Variants in ADGRL2 observed in about 807,000 individuals in gnomAD.
ADGRL2 encodes the protein calcium-independent alpha-latrotoxin receptor 2.
Under a neutral mutation model 157.4 loss-of-function variants are expected in ADGRL2, and 44 were observed. The observed-to-expected ratio is 0.28, with a 90% CI of 0.22 to 0.36. The LOEUF (loss-of-function observed/expected upper bound fraction) is 0.36, where lower values mean the gene tolerates loss of function less well. Ranked by LOEUF, ADGRL2 falls within the 10% of genes least tolerant of loss-of-function variation. The pLI is 1.00. For missense variants in ADGRL2, 1,510 were observed against 1,768.9 expected, an observed-to-expected ratio of 0.85 and a Z score of 2.63; for synonymous variants, 585 against 624.7, an observed-to-expected ratio of 0.94 and a Z score of 0.95.
intron 1 of ADGRL2, among the ~76,000 whole-genome samples, chr1:81,735,763 C>G (rs573222228): frequency 6.6e-6 from 1 of 151,562 alleles, no homozygotes; most frequent in African/African-American, 2.4e-5. Context: ...GTACCCCAGC[C>G]TGGGTGACAG....
At chr1:81,938,069 TTTTTATG>T (rs2095335742) in intron 4 of ADGRL2, among the ~76,000 whole-genome samples, 2 of 151,730 alleles carry the variant, frequency 1.3e-5, no homozygotes, top group South Asian at 4.1e-4. Context: ...AAATGGATGC[TTTTTATG>T]TTTTCAGTAT....
intron 3 of ADGRL2, among the ~76,000 whole-genome samples, chr1:81,619,295 G>A (rs2081736888): frequency 6.7e-6 from 1 of 149,402 alleles, no homozygotes; most frequent in African/African-American, 2.5e-5. Context: ...TTTTTAAGGT[G>A]TCTGCCTTCA....
chr1:81,417,829 G>A (rs79278720), intron 1 of ADGRL2, among the ~76,000 whole-genome samples: 9,147 of 152,166 alleles, frequency 0.06, 388 homozygotes, highest in East Asian at 0.21. Context: ...TAAAAAATAT[G>A]TCAGTAGTGC....
chr1:81,723,772 A>G (rs1197609941), intron 1 of ADGRL2, among the ~76,000 whole-genome samples: 1 of 152,196 alleles, frequency 6.6e-6, no homozygotes, highest in Admixed American at 6.5e-5. Flanking sequence ...TGTGTTTTAT[A>G]TAACATGCAT....
chr1:81,371,419 G>A (rs903837055), intron 1 of ADGRL2, among the ~76,000 whole-genome samples: 1 of 152,174 alleles, frequency 6.6e-6, no homozygotes, highest in Admixed American at 6.5e-5. Context: ...AGATGAGTTT[G>A]TAGAATGACA....
At chr1:81,532,139 C>T (rs1289323324) in intron 2 of ADGRL2, among the ~76,000 whole-genome samples, 1 of 152,130 alleles carries the variant, frequency 6.6e-6, no homozygotes, top group African/African-American at 2.4e-5. Flanking sequence ...TGAATAACTA[C>T]CCTTCAGCGT....
chr1:81,645,697 A>G (rs1447369902), intron 3 of ADGRL2, among the ~76,000 whole-genome samples: 2 of 152,138 alleles, frequency 1.3e-5, no homozygotes, highest in Non-Finnish European at 2.9e-5. Flanking sequence ...CTTATTCTCT[A>G]CAATTGCTAC....
intron 1 of ADGRL2, among the ~76,000 whole-genome samples, chr1:81,335,788 T>C (rs757642259): frequency 3.3e-5 from 5 of 151,312 alleles, no homozygotes; most frequent in Non-Finnish European, 7.4e-5. Flanking sequence ...TAAATCCTAC[T>C]GATAGCCAGA....
intron 3 of ADGRL2, among the ~76,000 whole-genome samples, chr1:81,646,322 T>TTTC: frequency 6.6e-6 from 1 of 152,318 alleles, no homozygotes; most frequent in South Asian, 2.1e-4. Context: ...AGAAAAATTA[T>TTTC]TTCTTGGACT....
intron 2 of ADGRL2, among the ~76,000 whole-genome samples, chr1:81,477,714 A>G (rs1204675868): frequency 6.6e-6 from 1 of 152,228 alleles, no homozygotes; most frequent in African/African-American, 2.4e-5. Flanking sequence ...TAGAGAATCA[A>G]TATATTTTTG....
At chr1:81,822,091 T>C (rs114340480) in intron 1 of ADGRL2, among the ~76,000 whole-genome samples, 2 of 150,110 alleles carry the variant, frequency 1.3e-5, no homozygotes, top group Non-Finnish European at 3.0e-5. Flanking sequence ...GTATTAGTTT[T>C]TCGTATAGAG....
At chr1:81,451,055 A>G (rs780295684) in intron 2 of ADGRL2, among the ~76,000 whole-genome samples, 16 of 152,160 alleles carry the variant, frequency 1.1e-4, no homozygotes, top group Non-Finnish European at 2.4e-4. Context: ...TCATTTTCAT[A>G]TAAGTCTCAC....
intron 2 of ADGRL2, among the ~76,000 whole-genome samples, chr1:81,790,429 A>G: frequency 6.6e-6 from 1 of 152,192 alleles, no homozygotes; most frequent in East Asian, 1.9e-4. Context: ...TGTAATTACT[A>G]ATTTATGCAG....
chr1:81,364,609 T>C (rs2076033252), intron 1 of ADGRL2, among the ~76,000 whole-genome samples: 2 of 151,984 alleles, frequency 1.3e-5, no homozygotes, highest in Non-Finnish European at 1.5e-5. Flanking sequence ...AACTGAAAAA[T>C]TGTAAGCAGT....
At chr1:81,745,947 A>G (rs1212383740) in intron 1 of ADGRL2, among the ~76,000 whole-genome samples, 1 of 152,162 alleles carries the variant, frequency 6.6e-6, no homozygotes, top group African/African-American at 2.4e-5. Context: ...TTGTCAATTC[A>G]AAGAGGGCTT....
chr1:81,393,356 GAAAA>G (rs33999150), intron 1 of ADGRL2, among the ~76,000 whole-genome samples: 2 of 132,212 alleles, frequency 1.5e-5, no homozygotes, highest in Non-Finnish European at 3.2e-5. Flanking sequence ...ATGCCCCAGG[GAAAA>G]AAAAAAAAAA....
At chr1:81,683,886 G>A (rs568500668) in intron 3 of ADGRL2, among the ~76,000 whole-genome samples, 16 of 151,770 alleles carry the variant, frequency 1.1e-4, no homozygotes, top group South Asian at 4.2e-4. Context: ...GCGCAATCTC[G>A]GCTCGCTGCA....
chr1:81,788,152 G>A (rs2087146704), intron 2 of ADGRL2, among the ~76,000 whole-genome samples: 2 of 152,160 alleles, frequency 1.3e-5, no homozygotes, highest in African/African-American at 4.8e-5. Flanking sequence ...AAGATACTTT[G>A]CCTTGGTTTT....
intron 2 of ADGRL2, among the ~76,000 whole-genome samples, chr1:81,902,038 A>G (rs929208350): frequency 5.3e-5 from 8 of 152,132 alleles, no homozygotes; most frequent in African/African-American, 1.9e-4. Flanking sequence ...AAATCAGTAC[A>G]TGAGTGATGT....
Sources: allele counts gnomAD v4.1 joint callset (sites outside exome capture counted in the v4.1 genomes callset), GRCh38; gene constraint gnomAD v4.1.1; transcripts MANE v1.5; gene names NCBI Gene and HGNC (gene_info 2026-07-23, HGNC 2026-07-21).